ENTPD2: variants seen among roughly 807,000 people sequenced by gnomAD.
ENTPD2 encodes the protein CD39 antigen-like 1.
A neutral mutation model predicts 46.8 loss-of-function variants in ENTPD2; 48 were observed. The ratio of observed to expected loss-of-function variants is 1.03; its 90% CI spans 0.81 to 1.30. The LOEUF is 1.30. Ranked by LOEUF, ENTPD2 falls within the 50% of genes most tolerant of loss-of-function variation. The pLI, the probability that ENTPD2 is intolerant of heterozygous loss-of-function variation, is 0.00. For missense variants in ENTPD2, 707 were observed against 651.1 expected, an observed-to-expected ratio of 1.09 and a Z score of -0.93; for synonymous variants, 316 against 286.1, an observed-to-expected ratio of 1.10 and a Z score of -1.06.
chr9:137,049,640 C>T (rs1043551926), intron 7 of ENTPD2: 7 of 529,956 alleles, frequency 1.3e-5, no homozygotes, highest in South Asian at 4.7e-5. Context: ...CTCCCCCTGC[C>T]CTCCAGATCT....
At chr9:137,049,182 G>T (rs1311029810) in intron 7 of ENTPD2, 107 bp from the exon 8 acceptor site, 2 of 1,506,726 alleles carry the variant, frequency 1.3e-6, no homozygotes, top group East Asian at 4.9e-5. Flanking sequence ...ACACACACGG[G>T]CCGTGCGAGG....
At chr9:137,052,446 C>CT (rs1832318750) in intron 1 of ENTPD2, 98 bp from the exon 2 acceptor site, 5 of 877,118 alleles carry the variant, frequency 5.7e-6, no homozygotes, top group Middle Eastern at 2.6e-4. Context: ...GCCACCGCTC[C>CT]CCCCCCCACC....
chr9:137,049,253 G>C (rs115672624), intron 7 of ENTPD2, 178 bp from the exon 8 acceptor site: 5 of 1,074,114 alleles, frequency 4.7e-6, no homozygotes, highest in South Asian at 1.3e-5. Flanking sequence ...GGGCACCCCC[G>C]GCAGGGCACG....
intron 7 of ENTPD2, 87 bp from the exon 8 acceptor site, chr9:137,049,162 C>T (rs914494484): frequency 3.9e-6 from 6 of 1,531,026 alleles, no homozygotes; most frequent in South Asian, 3.6e-5. Flanking sequence ...CGTGCTTCAC[C>T]CCTCCCCAGA....
Position 137,050,556 on chromosome 9 carries a change from G to A in ENTPD2, c.775-18C>T, listed in dbSNP as rs113129077. 1.6e-5 allele frequency: 25 copies of A among 1,607,828 alleles called. No homozygotes were observed. The highest frequency in any genetic ancestry group is 1.3e-4 in the African/African-American group (10 of 74,970). On this transcript the variant is annotated intron_variant, in intron 5 of 8. Transcript: ENST00000355097. ...CCGTGGGTCTGGGGGAATCACCAGC[G>A]TGACAGGGTGGCACCACCACCGCTC... is the stretch of plus-strand genomic sequence containing the variant.
chr9:137,052,659 C>T (rs1832323935), intron 1 of ENTPD2: 1 of 201,838 alleles, frequency 5.0e-6, no homozygotes, highest in Admixed American at 5.6e-5. Flanking sequence ...GACAGAGGGT[C>T]CCCAGGGACT....
Position 137,048,286 on chromosome 9 carries a change from G to A in ENTPD2, c.*371C>T. On this transcript the variant is annotated 3_prime_UTR_variant, in exon 9 of 9. Transcript: ENST00000355097. ...CCAGCCCTGAGGAGGAGGAGGAGGA[G>A]CACGGGGCCTGCAGTGATGCCCAGG... 1 of 206,536 alleles carries A rather than the reference G, an allele frequency of 4.8e-6. No homozygotes were observed. Among genetic ancestry groups the A allele is most frequent in the East Asian group, 1.4e-4 (1 of 7,058 alleles). The allele number at this position is 206,536 out of a possible 1,614,324, so 12.8% of individuals were successfully genotyped here. A position where few individuals can be genotyped will look rare whatever the true frequency, so the allele number is the denominator to read the frequency against.
At position 137,051,328 on chromosome 9, in the gene ENTPD2, C is replaced by T; in HGVS notation, c.429G>A (p.Val143=). 1.3e-6 allele frequency: 2 copies of T among 1,591,040 alleles called. No individual in the cohort carries two copies. Among genetic ancestry groups the T allele is most frequent in the Non-Finnish European group, 1.7e-6 (2 of 1,166,692 alleles). Residue 143 remains valine, a synonymous_variant, in exon 4 of 9, where the codon GTG becomes GTA. Transcript: ENST00000355097. The part of the protein sequence containing the change: ...PEASTSVLMA[V]THTLTQYPFD... The stretch of plus-strand genomic sequence containing the variant: ...AGGGGTACTGGGTCAGTGTGTGAGT[C>T]ACTGCCATGAGCACACTGGTCGAGG...
At chr9:137,050,012 G>A (rs1832229554) in intron 6 of ENTPD2, 23 bp from the exon 7 acceptor site, 1 of 1,604,914 alleles carries the variant, frequency 6.2e-7, no homozygotes. Context: ...CAGTCACACT[G>A]TGACCGAACC....
In ENTPD2 at chr9:137,048,433, G is replaced by C. The variant is rs1319326115; in HGVS notation, c.*224C>G. On this transcript the variant is annotated 3_prime_UTR_variant, in exon 9 of 9. Transcript: ENST00000355097. ...CTGCCTTAGGGGCAGAGACGCTGAG[G>C]GTGGGGTGGAAGGATGGAGAAGACA... 9.6e-6 allele frequency: 5 copies of C among 521,452 alleles called. No individual in the cohort carries two copies. Among genetic ancestry groups the C allele is most frequent in the Non-Finnish European group, 1.4e-5 (4 of 295,864 alleles). The allele number at this position is 521,452 out of a possible 1,614,324, so 32.3% of individuals were successfully genotyped here.
rs1461192562 is a variant in ENTPD2 at position 137,051,331 on chromosome 9, T to C, written c.426A>G (p.Ala142=). The C allele has an allele frequency of 6.3e-7, 1 of 1,584,896 alleles. No individual in the cohort carries two copies. Among genetic ancestry groups the C allele is most frequent in the African/African-American group, 1.3e-5 (1 of 74,224 alleles). The part of the protein sequence containing the change: ...NPEASTSVLM[A]VTHTLTQYPF... ...GGTACTGGGTCAGTGTGTGAGTCAC[T>C]GCCATGAGCACACTGGTCGAGGCCT... The change falls in exon 4 of 9, where the codon GCA becomes GCG. Residue 142 remains alanine, a synonymous_variant. Transcript: ENST00000355097.
intron 7 of ENTPD2, 57 bp downstream of exon 7, chr9:137,049,813 C>A (rs532341072): frequency 2.6e-5 from 40 of 1,550,488 alleles, no homozygotes; most frequent in Non-Finnish European, 3.4e-5. Flanking sequence ...GGGAGGCATG[C>A]GGAGGCGGAG....
rs961723907 is a variant in ENTPD2 at position 137,050,598 on chromosome 9, C to T, written c.775-60G>A. 209 of 1,574,986 alleles carry T rather than the reference C, an allele frequency of 1.3e-4. No individual in the cohort carries two copies. In the African/African-American group the frequency reaches 2.3e-3, roughly 17 times the overall value. ...CCACCGCTCCAGAGGACCAGCCTGA[C>T]AAACCTCCCACAGGTCTCACTCTGG... is the stretch of plus-strand genomic sequence containing the variant. On this transcript the variant is annotated intron_variant, in intron 5 of 8. Coordinates refer to ENST00000355097, the MANE Select transcript of ENTPD2 (RefSeq NM_203468.3).
At chr9:137,050,585 A>G in intron 5 of ENTPD2, 47 bp from the exon 6 acceptor site, 2 of 1,592,622 alleles carry the variant, frequency 1.3e-6, no homozygotes, top group Non-Finnish European at 1.7e-6. Flanking sequence ...ACCGCTCCAG[A>G]GGACCAGCCT....
At chr9:137,050,021 C>A in intron 6 of ENTPD2, 32 bp from the exon 7 acceptor site, 4 of 1,599,316 alleles carry the variant, frequency 2.5e-6, no homozygotes, top group South Asian at 1.1e-5. Context: ...TGTGACCGAA[C>A]CCCAGCGGCT....
At chr9:137,053,356 T>G (rs1832339882) in intron 1 of ENTPD2, 1 of 152,484 alleles carries the variant, frequency 6.6e-6, no homozygotes, top group Non-Finnish European at 1.5e-5. Flanking sequence ...CCAGGGCTGC[T>G]CCGGTCAAGC....
At chr9:137,053,381 G>C (rs1832340712) in intron 1 of ENTPD2, 1 of 152,696 alleles carries the variant, frequency 6.5e-6, no homozygotes, top group Admixed American at 6.5e-5. Flanking sequence ...CTGTCTTTCT[G>C]GGCCACTCTC....
chr9:137,048,526 A>C lies in ENTPD2; in HGVS notation c.*131T>G. The C allele has an allele frequency of 1.8e-6, 1 of 570,480 alleles. No individual in the cohort carries two copies. The highest frequency in any genetic ancestry group is 2.9e-6 in the Non-Finnish European group (1 of 343,382). The allele number at this position is 570,480 out of a possible 1,614,324, so 35.3% of individuals were successfully genotyped here. ...ATGCAGGATACAGGGGCGGGGAGAG[A>C]GGTTGGGAGAGGGGTGGGTGGAGGG... is the stretch of plus-strand genomic sequence containing the variant. On this transcript the variant is annotated 3_prime_UTR_variant, in exon 9 of 9. Coordinates refer to ENST00000355097, the MANE Select transcript of ENTPD2 (RefSeq NM_203468.3).
Position 137,049,085 on chromosome 9 carries a change from G to A in ENTPD2, c.1150-10C>T, listed in dbSNP as rs45457700. The A allele has an allele frequency of 1.3e-6, 2 of 1,531,590 alleles. No individual in the cohort carries two copies. Among genetic ancestry groups the A allele is most frequent in the Non-Finnish European group, 8.7e-7 (1 of 1,144,224 alleles). The allele number at this position is 1,531,590 out of a possible 1,614,324, so 94.9% of individuals were successfully genotyped here. ...GCACCCGAGCTTGCAGCTGGGACGC[G>A]GGCGGGACACCGTCAGGCAGGCGAC... On this transcript the variant is annotated splice_polypyrimidine_tract_variant and intron_variant, in intron 7 of 8. Coordinates refer to ENST00000355097, the MANE Select transcript of ENTPD2 (RefSeq NM_203468.3).
Sources: gnomAD v4.1 joint callset for allele counts on GRCh38, gnomAD v4.1.1 for gene constraint, MANE v1.5 for transcripts, NCBI Gene and HGNC (gene_info 2026-07-23, HGNC 2026-07-21) for gene names.